The following SCAPER variants were observed in gnomAD, a reference collection of about 807,000 sequenced individuals.
The protein encoded by SCAPER is S phase cyclin A-associated protein in the endoplasmic reticulum.
In SCAPER, 98 loss-of-function variants were observed where a neutral mutation model predicts 182.2. The observed-to-expected ratio is 0.54, with a 90% CI of 0.46 to 0.64. The LOEUF is 0.64. Among genes scored for constraint, SCAPER ranks in the 30% least tolerant of loss-of-function variants. The pLI is 0.00. For synonymous variants in SCAPER, 605 were observed against 564.6 expected, an observed-to-expected ratio of 1.07 and a Z score of -1.01; for missense variants, 1,432 against 1,690.0, an observed-to-expected ratio of 0.85 and a Z score of 2.68.
chr15:76,561,347 T>C (rs1203768090), intron 23 of SCAPER, among the ~76,000 whole-genome samples: 2 of 152,186 alleles, frequency 1.3e-5, no homozygotes, highest in East Asian at 1.9e-4. Context: ...TTCTTACCTA[T>C]TGTAATAATT....
chr15:76,450,562 T>C (rs930502093), intron 25 of SCAPER, among the ~76,000 whole-genome samples: 1 of 152,084 alleles, frequency 6.6e-6, no homozygotes, highest in Non-Finnish European at 1.5e-5. Flanking sequence ...TATATACACA[T>C]ATATATTTTG....
chr15:76,362,161 C>T (rs572734456), intron 29 of SCAPER, among the ~76,000 whole-genome samples: 4 of 151,664 alleles, frequency 2.6e-5, no homozygotes, highest in Non-Finnish European at 5.9e-5. Flanking sequence ...TTAGTAGAGA[C>T]GGGGTTTCAC....
At chr15:76,426,520 G>C (rs2046443674) in intron 26 of SCAPER, among the ~76,000 whole-genome samples, 1 of 152,064 alleles carries the variant, frequency 6.6e-6, no homozygotes, top group African/African-American at 2.4e-5. Flanking sequence ...GTTCCTATTT[G>C]GCCATCTTGG....
chr15:76,793,289 T>C, intron 8 of SCAPER: 1 of 831,260 alleles, frequency 1.2e-6, no homozygotes, highest in Non-Finnish European at 2.0e-6. Flanking sequence ...GGCATGCAAC[T>C]CCTAAAATCT....
chr15:76,351,818 T>C (rs2040568016), intron 30 of SCAPER, among the ~76,000 whole-genome samples: 1 of 152,196 alleles, frequency 6.6e-6, no homozygotes, highest in Non-Finnish European at 1.5e-5. Context: ...TAAAATCCTA[T>C]CTATATTCAT....
At chr15:76,399,246 T>A (rs1387571043) in intron 27 of SCAPER, among the ~76,000 whole-genome samples, 2 of 152,124 alleles carry the variant, frequency 1.3e-5, no homozygotes, top group Non-Finnish European at 2.9e-5. Context: ...CAAGCAATTC[T>A]CCTGCCTCAG....
In SCAPER at chr15:76,431,203, T is replaced by C. The variant is rs948535363; in HGVS notation, c.3311+2875A>G. On this transcript the variant is annotated intron_variant, in intron 26 of 31. Coordinates refer to ENST00000563290, the MANE Select transcript of SCAPER (RefSeq NM_020843.4). Reference sequence around the variant, plus strand: ...GACTAATACAGTTACAATGTGCCAATGAAAAAAATTAAAAATGAAATAAAT... The same window carrying C: ...GACTAATACAGTTACAATGTGCCAACGAAAAAAATTAAAAATGAAATAAAT... Among the ~76,000 whole-genome samples, 3 of 152,100 alleles carry C rather than the reference T, an allele frequency of 2.0e-5. No homozygotes were observed. The East Asian group carries it at 5.8e-4, about 29-fold the overall frequency.
At chr15:76,881,877 T>C (rs1446355307) in intron 2 of SCAPER, among the ~76,000 whole-genome samples, 1 of 152,206 alleles carries the variant, frequency 6.6e-6, no homozygotes, top group Admixed American at 6.5e-5. Context: ...GTAAATGTCA[T>C]GTTATTTGTA....
chr15:76,599,383 A>T lies in SCAPER; in HGVS notation c.2711+22381T>A, dbSNP rs1300857196. On this transcript the variant is annotated intron_variant, in intron 22 of 31. Coordinates refer to ENST00000563290, the MANE Select transcript of SCAPER (RefSeq NM_020843.4). ...TTCTTATAAACCTAAACATACACAT[A>T]TCAAAGGACTTTGCACATTCATGCC... is the stretch of plus-strand genomic sequence containing the variant. Among the ~76,000 whole-genome samples, 3 of 122,310 alleles carry T rather than the reference A, an allele frequency of 2.5e-5. 1 individual carries two copies. The highest frequency in any genetic ancestry group is 6.0e-5 in the Non-Finnish European group (3 of 50,332). 80.2% of individuals were successfully genotyped at this position (122,310 alleles called of 152,430 possible). A position where few individuals can be genotyped will look rare whatever the true frequency, so the allele number is the denominator to read the frequency against.
rs2058969140 is a variant in SCAPER, at chr15:76,701,825, C to T, written c.2441G>A (p.Arg814Lys). ...CTCTCTCACGGCTTGCTGGTGTTTT[C>T]TCCCTTTAACATGGCTAAAAAGATA... ...EVYLFSHVKG[R>K]KHQQAVRENT... Residue 814 changes from arginine to lysine, a missense_variant, in exon 20 of 32, where the codon AGA becomes AAA. By Grantham distance (26) the Arg-to-Lys change is conservative (BLOSUM62 2). Around this residue, in one of 5 missense-constraint regions of SCAPER, gnomAD observed 718 missense variants for 799.7 expected, o/e 0.90. Transcript: ENST00000563290. 1.9e-6 allele frequency: 3 copies of T among 1,613,828 alleles called. No individual in the cohort carries two copies. The highest frequency in any genetic ancestry group is 2.2e-5 in the South Asian group (2 of 91,076).
chr15:76,732,652 G>T (rs568672186), intron 16 of SCAPER, among the ~76,000 whole-genome samples: 1 of 152,006 alleles, frequency 6.6e-6, no homozygotes, highest in East Asian at 1.9e-4. Context: ...CCTTTCCCCC[G>T]GGGAGTTTAG....
chr15:76,807,539 T>C (rs2066263227), intron 5 of SCAPER, among the ~76,000 whole-genome samples: 1 of 151,958 alleles, frequency 6.6e-6, no homozygotes, highest in Non-Finnish European at 1.5e-5. Flanking sequence ...TATTTTTTAC[T>C]TTTTTTATTA....
intron 22 of SCAPER, among the ~76,000 whole-genome samples, chr15:76,595,329 G>A (rs569715411): frequency 8.3e-6 from 1 of 121,026 alleles, no homozygotes; most frequent in African/African-American, 2.5e-5. Flanking sequence ...TCTTAGAGAC[G>A]TACAAAGAGA....
At chr15:76,485,735 C>T (rs914804874) in intron 24 of SCAPER, among the ~76,000 whole-genome samples, 1 of 152,056 alleles carries the variant, frequency 6.6e-6, no homozygotes. Flanking sequence ...AGACTGCATA[C>T]CTACAAACAT....
intron 15 of SCAPER, among the ~76,000 whole-genome samples, chr15:76,734,522 A>G (rs1349356430): frequency 6.6e-6 from 1 of 152,220 alleles, no homozygotes; most frequent in Non-Finnish European, 1.5e-5. Context: ...TACCACTTTC[A>G]TAAGCACTTT....
chr15:76,846,503 G>GA lies in SCAPER; in HGVS notation c.196-4573dup, dbSNP rs375458899. Among the ~76,000 whole-genome samples the GA allele has an allele frequency of 8.7e-4, 132 of 152,074 alleles. 1 individual carries two copies. The highest frequency in any genetic ancestry group is 2.9e-3 in the African/African-American group (121 of 41,502). ...ATAAGGAGCTAAAACAACTCAATAGGAAAAAATCTCATAAACCAATTTTAA... is the reference window on the plus strand; with the variant it reads ...ATAAGGAGCTAAAACAACTCAATAGGAAAAAAATCTCATAAACCAATTTTAA... On this transcript the variant is annotated intron_variant, in intron 4 of 31. Coordinates refer to ENST00000563290, the MANE Select transcript of SCAPER (RefSeq NM_020843.4).
At chr15:76,688,297 G>A (rs562026810) in intron 20 of SCAPER, among the ~76,000 whole-genome samples, 1 of 152,200 alleles carries the variant, frequency 6.6e-6, no homozygotes, top group African/African-American at 2.4e-5. Context: ...TTTTCTTCCT[G>A]TAAACGTGTT....
intron 26 of SCAPER, among the ~76,000 whole-genome samples, chr15:76,409,603 C>T (rs916865847): frequency 4.7e-5 from 7 of 149,934 alleles, no homozygotes; most frequent in South Asian, 2.1e-4. Context: ...TATGTACCCC[C>T]GAATCTATTA....
At chr15:76,578,960 G>A (rs1415907509) in intron 22 of SCAPER, among the ~76,000 whole-genome samples, 1 of 152,108 alleles carries the variant, frequency 6.6e-6, no homozygotes, top group African/African-American at 2.4e-5. Flanking sequence ...ATAACACAGA[G>A]AAGGAATTCA....
Sources: gnomAD v4.1 joint callset for allele counts (sites outside exome capture counted in the v4.1 genomes callset) on GRCh38, gnomAD v4.1.1 for gene constraint, gnomAD v4.1.1 regional missense constraint, MANE v1.5 for transcripts, NCBI Gene and HGNC (gene_info 2026-07-23, HGNC 2026-07-21) for gene names.